FCHO2: variants seen among roughly 807,000 people sequenced by gnomAD.
The protein encoded by FCHO2 is F-BAR domain only protein 2.
A neutral mutation model predicts 114.1 loss-of-function variants in FCHO2; 43 were observed. The ratio of observed to expected loss-of-function variants is 0.38; its 90% confidence interval spans 0.30 to 0.49. The LOEUF (loss-of-function observed/expected upper bound fraction) is 0.49. Ranked by LOEUF, FCHO2 falls within the 20% of genes least tolerant of loss-of-function variation. The pLI is 0.97. For missense variants in FCHO2, 807 were observed against 950.4 expected, an observed-to-expected ratio of 0.85 and a Z score of 1.98; for synonymous variants, 293 against 315.2, an observed-to-expected ratio of 0.93 and a Z score of 0.75.
At chr5:73,032,569 A>G (rs570841088) in intron 8 of FCHO2, among the ~76,000 whole-genome samples, 1 of 152,316 alleles carries the variant, frequency 6.6e-6, no homozygotes, top group Non-Finnish European at 1.5e-5. Flanking sequence ...AAGTCATCCA[A>G]AGATTTTACA....
chr5:73,067,802 A>G (rs1250395399), intron 18 of FCHO2, among the ~76,000 whole-genome samples: 1 of 151,950 alleles, frequency 6.6e-6, no homozygotes, highest in East Asian at 1.9e-4. Flanking sequence ...AAATACGCCT[A>G]TTTTTTAAGA....
At chr5:72,990,414 T>C (rs915136735) in intron 3 of FCHO2, 64 bp from the exon 4 acceptor site, 1 of 1,299,094 alleles carries the variant, frequency 7.7e-7, no homozygotes, top group Non-Finnish European at 1.0e-6. Context: ...ACTGGTTCCT[T>C]GTTAGAACCT....
intron 5 of FCHO2, among the ~76,000 whole-genome samples, chr5:73,006,176 C>T (rs1481881717): frequency 6.6e-6 from 1 of 152,060 alleles, no homozygotes; most frequent in Non-Finnish European, 1.5e-5. Flanking sequence ...CAATCTTAGT[C>T]TGGGATTTAA....
intron 6 of FCHO2, among the ~76,000 whole-genome samples, chr5:73,009,780 G>C (rs1025523156): frequency 2.5e-4 from 38 of 152,286 alleles, no homozygotes; most frequent in African/African-American, 8.7e-4. Flanking sequence ...CAAGTGATCT[G>C]TCCAACTCGG....
At chr5:72,982,465 T>C (rs1702634139) in intron 2 of FCHO2, among the ~76,000 whole-genome samples, 1 of 152,230 alleles carries the variant, frequency 6.6e-6, no homozygotes, top group African/African-American at 2.4e-5. Flanking sequence ...CAGTCTGATT[T>C]GTTTTCTCAT....
At position 73,078,306 on chromosome 5, in the gene FCHO2, G is replaced by T; in HGVS notation, c.1974G>T (p.Lys658Asn). The change falls in exon 22 of 26, where the codon AAG (lysine) becomes AAT (asparagine). Residue 658 changes from lysine (K) to asparagine (N), a missense_variant. Coordinates refer to ENST00000430046, the MANE Select transcript of FCHO2 (RefSeq NM_138782.3). ...CTTATTATAATGTAGATGTATTAAA[G>T]TATCAGGTGAGTGTCACGACATTGC... ...AASYYNVDVL[K>N]YQVSSNGIQS... 1 of 1,598,044 alleles carries T rather than the reference G, an allele frequency of 6.3e-7. No individual in the cohort carries two copies. The highest frequency in any genetic ancestry group is 2.3e-5 in the East Asian group (1 of 44,258).
intron 5 of FCHO2, among the ~76,000 whole-genome samples, chr5:72,997,961 A>G (rs1262848100): frequency 2.0e-5 from 3 of 152,102 alleles, no homozygotes; most frequent in South Asian, 2.1e-4. Context: ...AGCCACAGAT[A>G]TATGGTGATC....
intron 5 of FCHO2, chr5:72,997,655 C>T: frequency 1.3e-6 from 2 of 1,509,942 alleles, no homozygotes; most frequent in Admixed American, 1.7e-5. Flanking sequence ...ACAGCTGCTC[C>T]CCCTTCACCT....
chr5:73,047,664 A>G (rs1488888977), intron 11 of FCHO2, among the ~76,000 whole-genome samples: 1 of 151,954 alleles, frequency 6.6e-6, no homozygotes, highest in Non-Finnish European at 1.5e-5. Context: ...TGAATGCTCA[A>G]GTCCCTTACA....
chr5:72,971,974 T>G (rs1752583973), intron 2 of FCHO2, among the ~76,000 whole-genome samples: 1 of 151,532 alleles, frequency 6.6e-6, no homozygotes, highest in Admixed American at 6.6e-5. Flanking sequence ...TCCCCATTGC[T>G]TGTTTTTCTC....
chr5:73,060,042 C>A (rs1388221693), intron 17 of FCHO2, among the ~76,000 whole-genome samples: 3 of 151,708 alleles, frequency 2.0e-5, no homozygotes, highest in African/African-American at 7.3e-5. Context: ...CTTTATAATT[C>A]TGCTCATTGT....
At chr5:72,963,902 GTTTTTTTTTTTTTTTT>G (rs70973214) in intron 1 of FCHO2, among the ~76,000 whole-genome samples, 7 of 95,694 alleles carry the variant, frequency 7.3e-5, no homozygotes, top group Admixed American at 2.9e-4. Context: ...GGAACTTTCA[GTTTTTTTTTTTTTTTT>G]TTTTTTTTTT....
intron 2 of FCHO2, among the ~76,000 whole-genome samples, chr5:72,978,760 C>T (rs1214148597): frequency 6.6e-6 from 1 of 152,036 alleles, no homozygotes; most frequent in East Asian, 1.9e-4. Context: ...ATAAATAGCT[C>T]TTATTGTTTT....
rs1297710349 is a variant in FCHO2 at position 73,087,718 on chromosome 5, A to G, written c.2375A>G (p.Tyr792Cys). The G allele has an allele frequency of 1.2e-6, 2 of 1,601,200 alleles. No homozygotes were observed. Among genetic ancestry groups the G allele is most frequent in the East Asian group, 2.2e-5 (1 of 44,750 alleles). ...GVDFELVGTG[Y>C]RLSLIKKRFA... is the part of the protein sequence containing the mutation. ...GATTTCGAACTTGTGGGCACTGGCTATAGGCTTTCCTTAATAAAGAAGCGG... is the reference window on the plus strand; with the variant it reads ...GATTTCGAACTTGTGGGCACTGGCTGTAGGCTTTCCTTAATAAAGAAGCGG... The change falls in exon 25 of 26, where the codon TAT becomes TGT. Residue 792 changes from tyrosine (Y) to cysteine (C), a missense_variant. Physicochemically the swap from Tyr to Cys is radical, Grantham distance 194. Transcript: ENST00000430046.
At chr5:73,039,212 C>T (rs1756681990) in intron 10 of FCHO2, among the ~76,000 whole-genome samples, 1 of 152,182 alleles carries the variant, frequency 6.6e-6, no homozygotes, top group Non-Finnish European at 1.5e-5. Context: ...TGGCATGCCT[C>T]TTCATAGCCT....
chr5:73,015,937 A>ATT (rs1026202460), intron 7 of FCHO2, among the ~76,000 whole-genome samples: 9 of 152,154 alleles, frequency 5.9e-5, no homozygotes, highest in Non-Finnish European at 7.4e-5. Context: ...ATTCAAATTA[A>ATT]TTTTTTAAAT....
chr5:72,995,782 C>T (rs544145522), intron 5 of FCHO2, among the ~76,000 whole-genome samples: 14 of 152,006 alleles, frequency 9.2e-5, no homozygotes, highest in African/African-American at 2.7e-4. Context: ...ATTCATGAAC[C>T]GATTAATACA....
At chr5:73,043,716 GTGAT>G (rs1400521814) in intron 11 of FCHO2, among the ~76,000 whole-genome samples, 1 of 152,152 alleles carries the variant, frequency 6.6e-6, no homozygotes, top group Non-Finnish European at 1.5e-5. Flanking sequence ...GATATTTTAA[GTGAT>G]TGCTGTTTTA....
intron 19 of FCHO2, among the ~76,000 whole-genome samples, chr5:73,069,845 C>A (rs1267448636): frequency 6.6e-6 from 1 of 151,964 alleles, no homozygotes; most frequent in Non-Finnish European, 1.5e-5. Flanking sequence ...TTCTTACTAC[C>A]TTTTTCACCC....
Sources: gnomAD v4.1 joint callset for allele counts (sites outside exome capture counted in the v4.1 genomes callset) on GRCh38, gnomAD v4.1.1 for gene constraint, MANE v1.5 for transcripts, NCBI Gene and HGNC (gene_info 2026-07-23, HGNC 2026-07-21) for gene names.